Variants in FSHR observed in about 807,000 individuals in gnomAD.
FSHR encodes follicle stimulating hormone receptor.
A neutral mutation model predicts 52.1 loss-of-function variants in FSHR; 46 were observed. That is an observed-to-expected ratio of 0.88 (90% CI 0.70 to 1.13). The LOEUF is 1.13. Among genes scored for constraint, FSHR ranks in the 50% most tolerant of loss-of-function variants. The pLI is 0.00. For synonymous variants in FSHR, 399 were observed against 309.6 expected (o/e 1.29, Z -3.03); for missense variants, 964 against 834.6 (o/e 1.16, Z -1.91).
At chr2:49,014,727 A>C (rs1331835749) in intron 4 of FSHR, 2 of 224,336 alleles carry the variant, frequency 8.9e-6, no homozygotes, top group African/African-American at 4.7e-5. Context: ...CAGATATGCT[A>C]TTATTATCAT....
At chr2:48,967,287 C>T (rs141185088) in intron 9 of FSHR, among the ~76,000 whole-genome samples, 41 of 151,992 alleles carry the variant, frequency 2.7e-4, no homozygotes, top group African/African-American at 9.4e-4. Flanking sequence ...TTTGTAGAGA[C>T]GAGGTCCCAC....
intron 2 of FSHR, among the ~76,000 whole-genome samples, chr2:49,043,131 A>G (rs1668537454): frequency 6.6e-6 from 1 of 152,120 alleles, no homozygotes. Context: ...CTTTCCCTTT[A>G]TGGCTTCATT....
intron 1 of FSHR, among the ~76,000 whole-genome samples, chr2:49,102,649 T>C (rs953245186): frequency 1.3e-5 from 2 of 152,204 alleles, no homozygotes; most frequent in East Asian, 3.8e-4. Context: ...AGAGTTAACA[T>C]AGTCCAGTAA....
At chr2:49,111,091 G>A (rs1671405277) in intron 1 of FSHR, among the ~76,000 whole-genome samples, 1 of 152,130 alleles carries the variant, frequency 6.6e-6, no homozygotes, top group African/African-American at 2.4e-5. Context: ...CTGGGGACTT[G>A]TCTTTGTCTG....
chr2:49,121,999 G>A (rs1012503762), intron 1 of FSHR, among the ~76,000 whole-genome samples: 1 of 151,996 alleles, frequency 6.6e-6, no homozygotes, highest in Admixed American at 6.6e-5. Context: ...CCTGATAACC[G>A]CTCAGTCAGG....
intron 1 of FSHR, among the ~76,000 whole-genome samples, chr2:49,143,382 C>T (rs545980747): frequency 1.3e-5 from 2 of 152,124 alleles, no homozygotes; most frequent in Non-Finnish European, 2.9e-5. Flanking sequence ...CAGCACATTC[C>T]TCTTATATTC....
chr2:49,021,580 A>G (rs1341871930), intron 2 of FSHR, among the ~76,000 whole-genome samples: 1 of 151,672 alleles, frequency 6.6e-6, no homozygotes, highest in Non-Finnish European at 1.5e-5. Context: ...GGGGAGGGGA[A>G]GTGTGACTGT....
chr2:49,018,602 T>G (rs904478918), intron 3 of FSHR, among the ~76,000 whole-genome samples: 7 of 152,166 alleles, frequency 4.6e-5, no homozygotes, highest in African/African-American at 1.7e-4. Flanking sequence ...CTGGCTGCCC[T>G]TTGGTTCATT....
intron 2 of FSHR, among the ~76,000 whole-genome samples, chr2:49,045,299 G>C (rs1369689463): frequency 6.6e-6 from 1 of 152,146 alleles, no homozygotes; most frequent in African/African-American, 2.4e-5. Context: ...CTGAGAGCTG[G>C]TTTAGGCAGA....
intron 4 of FSHR, among the ~76,000 whole-genome samples, chr2:48,992,019 T>A (rs1342552672): frequency 6.6e-6 from 1 of 152,014 alleles, no homozygotes; most frequent in Non-Finnish European, 1.5e-5. Context: ...GTTCTCAAAT[T>A]TTTTTTTCTT....
chr2:49,066,559 T>C (rs1669509144), intron 2 of FSHR, among the ~76,000 whole-genome samples: 1 of 152,038 alleles, frequency 6.6e-6, no homozygotes, highest in African/African-American at 2.4e-5. Flanking sequence ...AGATCAATTT[T>C]ATTTTGGTGT....
At chr2:48,988,224 C>G (rs893795499) in intron 6 of FSHR, among the ~76,000 whole-genome samples, 4 of 152,034 alleles carry the variant, frequency 2.6e-5, no homozygotes, top group African/African-American at 7.3e-5. Context: ...AAAACTCATA[C>G]TGGTATATTT....
At chr2:49,083,095 G>A (rs1177439651) in intron 1 of FSHR, among the ~76,000 whole-genome samples, 2 of 151,642 alleles carry the variant, frequency 1.3e-5, no homozygotes, top group African/African-American at 4.9e-5. Context: ...CAGCCAGAGA[G>A]AAAGGTCGGG....
intron 2 of FSHR, among the ~76,000 whole-genome samples, chr2:49,051,473 G>A (rs774355423): frequency 5.3e-5 from 8 of 151,952 alleles, no homozygotes; most frequent in Non-Finnish European, 1.0e-4. Flanking sequence ...TTGCCGATTC[G>A]TGTATCTTTT....
chr2:49,011,552 G>A (rs1265333498), intron 4 of FSHR, among the ~76,000 whole-genome samples: 1 of 152,074 alleles, frequency 6.6e-6, no homozygotes, highest in Non-Finnish European at 1.5e-5. Context: ...GGTCCGCTTG[G>A]TGCAGAGCTG....
At chr2:49,015,793 C>T (rs965157546) in intron 4 of FSHR, among the ~76,000 whole-genome samples, 4 of 152,142 alleles carry the variant, frequency 2.6e-5, no homozygotes, top group South Asian at 2.1e-4. Context: ...TTGTGGGATG[C>T]TGTGTAAATA....
chr2:49,033,368 G>A (rs777628624), intron 2 of FSHR, among the ~76,000 whole-genome samples: 1 of 152,152 alleles, frequency 6.6e-6, no homozygotes, highest in African/African-American at 2.4e-5. Context: ...AGAAGAACCT[G>A]AGCATGGATT....
chr2:48,970,621 T>G (rs1200688478), intron 8 of FSHR, among the ~76,000 whole-genome samples: 1 of 152,188 alleles, frequency 6.6e-6, no homozygotes, highest in African/African-American at 2.4e-5. Flanking sequence ...TCCCTTAGTT[T>G]CAGATACCAG....
chr2:49,118,434 C>T (rs547689613), intron 1 of FSHR, among the ~76,000 whole-genome samples: 1 of 152,242 alleles, frequency 6.6e-6, no homozygotes, highest in Admixed American at 6.5e-5. Flanking sequence ...CTTTTGGACC[C>T]CTGTGGCTTT....
Sources: gnomAD v4.1 joint callset for allele counts (sites outside exome capture counted in the v4.1 genomes callset) on GRCh38, gnomAD v4.1.1 for gene constraint, MANE v1.5 for transcripts, NCBI Gene and HGNC (gene_info 2026-07-23, HGNC 2026-07-21) for gene names.